Variants in ZRSR2 observed in about 807,000 individuals in gnomAD.
ZRSR2 encodes the protein U2 small nuclear ribonucleoprotein auxiliary factor 35 kDa subunit-related protein 2.
Under a neutral mutation model 39.4 loss-of-function variants are expected in ZRSR2, and 3 were observed. The observed-to-expected ratio is 0.08, with a 90% CI of 0.03 to 0.20. The LOEUF is 0.20. Among genes scored for constraint, ZRSR2 ranks in the 10% least tolerant of loss-of-function variants. The pLI, the probability that ZRSR2 is intolerant of heterozygous loss-of-function variation, is 1.00. For synonymous variants in ZRSR2, 137 were observed against 136.0 expected (o/e 1.01, Z -0.05); for missense variants, 256 against 391.5 (o/e 0.65, Z 2.92).
intron 7 of ZRSR2, among the ~76,000 whole-genome samples, chrX:15,811,760 G>A (rs1367465967): frequency 9.0e-6 from 1 of 111,143 alleles, no homozygotes; most frequent in Non-Finnish European, 1.9e-5. Context: ...GTGAGAGGAG[G>A]GGAGATGTCT....
At chrX:15,810,523 G>A (rs1401943621) in intron 7 of ZRSR2, among the ~76,000 whole-genome samples, 4 of 111,515 alleles carry the variant, frequency 3.6e-5, no homozygotes, top group Non-Finnish European at 7.5e-5. Flanking sequence ...ATTCATAAAA[G>A]TATCCATGCT....
chrX:15,817,436 T>C (rs1933000898), intron 8 of ZRSR2, among the ~76,000 whole-genome samples: 1 of 112,011 alleles, frequency 8.9e-6, no homozygotes, highest in Non-Finnish European at 1.9e-5. Flanking sequence ...CGCTAAACAC[T>C]AGTATGAATA....
intron 10 of ZRSR2, 43 bp downstream of exon 10, chrX:15,820,359 G>C (rs760949804): frequency 9.1e-7 from 1 of 1,099,076 alleles, no homozygotes; most frequent in African/African-American, 1.8e-5. Context: ...TTGTTCCACT[G>C]CTATATAAAG....
intron 2 of ZRSR2, among the ~76,000 whole-genome samples, chrX:15,796,235 G>A (rs1366458733): frequency 9.0e-6 from 1 of 111,643 alleles, no homozygotes; most frequent in Non-Finnish European, 1.9e-5. Context: ...TTCCAGCATC[G>A]CTAGTCGCAC....
At chrX:15,792,140 G>A (rs1272309625) in intron 2 of ZRSR2, among the ~76,000 whole-genome samples, 1 of 111,906 alleles carries the variant, frequency 8.9e-6, no homozygotes, top group Non-Finnish European at 1.9e-5. Flanking sequence ...CAATATATGG[G>A]CTGGGCGCGT....
chrX:15,821,368 A>C (rs771877801), intron 10 of ZRSR2, among the ~76,000 whole-genome samples: 2 of 109,645 alleles, frequency 1.8e-5, no homozygotes, highest in East Asian at 5.7e-4. Flanking sequence ...TTATTGACTA[A>C]AGACACTGAG....
chrX:15,808,184 C>G, intron 5 of ZRSR2, 49 bp from the exon 6 acceptor site: 1 of 1,134,226 alleles, frequency 8.8e-7, no homozygotes, highest in Non-Finnish European at 1.2e-6. Flanking sequence ...CCAGATGTGA[C>G]TTACCTGACT....
rs754928493 is a variant in ZRSR2 at position 15,823,071 on chromosome X, TAGGGACCGCAGC to T, written c.1291_1302del (p.Asp432_Arg435del). On this transcript the variant is annotated inframe_deletion, in exon 11 of 11. Transcript: ENST00000307771. The stretch of plus-strand genomic sequence containing the variant: ...ACAATTCACGAAGCAGAGGAAGAAA[TAGGGACCGCAGC>T]AGGGACCGCAGCCGGGGCCGGGGCA... The T allele has an allele frequency of 1.2e-4, 145 of 1,208,526 alleles. No individual in the cohort carries two copies. Among genetic ancestry groups the T allele is most frequent in the African/African-American group, 4.0e-4 (23 of 56,953 alleles).
chrX:15,792,266 T>C (rs1258030798), intron 2 of ZRSR2, among the ~76,000 whole-genome samples: 1 of 111,763 alleles, frequency 8.9e-6, no homozygotes, highest in Admixed American at 9.4e-5. Context: ...CTACTAAAAA[T>C]ACAAGATTAG....
chrX:15,790,645 G>A, intron 1 of ZRSR2, 109 bp downstream of exon 1: 1 of 1,032,428 alleles, frequency 9.7e-7, no homozygotes, highest in Non-Finnish European at 1.3e-6. Flanking sequence ...AGCCACCGCG[G>A]CAGCTCCATT....
intron 5 of ZRSR2, among the ~76,000 whole-genome samples, chrX:15,806,439 T>A (rs902916147): frequency 1.8e-5 from 2 of 111,254 alleles, no homozygotes; most frequent in East Asian, 5.6e-4. Flanking sequence ...AAAAAAAAAT[T>A]TTTTTGAGAT....
At chrX:15,819,788 C>T (rs2147290796) in intron 9 of ZRSR2, among the ~76,000 whole-genome samples, 1 of 111,299 alleles carries the variant, frequency 9.0e-6, no homozygotes, top group East Asian at 2.8e-4. Context: ...TGCATTTGAC[C>T]AGCTAAGAGA....
intron 7 of ZRSR2, among the ~76,000 whole-genome samples, chrX:15,811,847 A>G (rs929499004): frequency 8.9e-6 from 1 of 112,658 alleles, no homozygotes; most frequent in Non-Finnish European, 1.9e-5. Context: ...CTCAGATCCC[A>G]TCTCTCCTCA....
intron 1 of ZRSR2, 27 bp from the exon 2 acceptor site, chrX:15,790,907 C>G: frequency 1.7e-6 from 2 of 1,188,306 alleles, no homozygotes; most frequent in African/African-American, 1.7e-5. Context: ...AGCCGCTGAT[C>G]GTCGTGTATA....
At chrX:15,797,049 C>T (rs1243055425) in intron 2 of ZRSR2, among the ~76,000 whole-genome samples, 1 of 108,950 alleles carries the variant, frequency 9.2e-6, no homozygotes, top group Non-Finnish European at 1.9e-5. Context: ...CCACCTCGGC[C>T]TCCGAAAGTG....
intron 7 of ZRSR2, among the ~76,000 whole-genome samples, chrX:15,811,433 C>CGT (rs1932880828): frequency 3.3e-5 from 3 of 90,241 alleles, no homozygotes; most frequent in Admixed American, 1.3e-4. Flanking sequence ...ACCCCCCCCC[C>CGT]TTTTTTTTTT....
chrX:15,817,384 T>C (rs974350477), intron 8 of ZRSR2, among the ~76,000 whole-genome samples: 5 of 111,766 alleles, frequency 4.5e-5, no homozygotes, highest in Admixed American at 3.8e-4. Flanking sequence ...AAAAATACTC[T>C]GGAACAAATT....
At chrX:15,808,308 A>C (rs772387155) in intron 6 of ZRSR2, 37 bp downstream of exon 6, 1 of 1,130,764 alleles carries the variant, frequency 8.8e-7, no homozygotes, top group East Asian at 3.0e-5. Context: ...TTTGAGACCA[A>C]TTAATGTTTC....
chrX:15,822,628 T>C, intron 10 of ZRSR2, 103 bp from the exon 11 acceptor site: 1 of 1,172,901 alleles, frequency 8.5e-7, no homozygotes, highest in Non-Finnish European at 1.1e-6. Context: ...TAGAAAATAG[T>C]TCTAGCATAT....
Sources: allele counts gnomAD v4.1 joint callset (sites outside exome capture counted in the v4.1 genomes callset), GRCh38; gene constraint gnomAD v4.1.1; transcripts MANE v1.5; gene names NCBI Gene and HGNC (gene_info 2026-07-23, HGNC 2026-07-21).